Variants in ZNF804B observed in about 807,000 individuals in gnomAD.
The protein encoded by ZNF804B is zinc finger 804B.
Under a neutral mutation model 101.4 loss-of-function variants are expected in ZNF804B, and 80 were observed. That is an observed-to-expected ratio of 0.79 (90% CI 0.66 to 0.95). The LOEUF is 0.95. Among genes scored for constraint, ZNF804B ranks in the 40% least tolerant of loss-of-function variants. ZNF804B has a pLI of 0.00. For missense variants in ZNF804B, 1,673 were observed against 1,561.9 expected (o/e 1.07, Z -1.20); for synonymous variants, 622 against 558.8 (o/e 1.11, Z -1.59).
Position 89,338,293 on chromosome 7 carries a change from C to G in ZNF804B, c.*1261C>G, listed in dbSNP as rs1196646614. On this transcript the variant is annotated 3_prime_UTR_variant, in exon 4 of 4. Coordinates refer to ENST00000333190, the MANE Select transcript of ZNF804B (RefSeq NM_181646.5). ...GAAGATTAGAGGATGTCTTCTTCAG[C>G]CTTGGCTGCAAAAGGAAGATAGCTA... 6.6e-6 allele frequency among the ~76,000 whole-genome samples: 1 copy of G among 151,996 alleles called. No individual in the cohort carries two copies. Among genetic ancestry groups the G allele is most frequent in the Non-Finnish European group, 1.5e-5 (1 of 67,934 alleles).
At chr7:88,959,840 C>T (rs1026795065) in intron 1 of ZNF804B, among the ~76,000 whole-genome samples, 3 of 151,460 alleles carry the variant, frequency 2.0e-5, no homozygotes, top group African/African-American at 7.3e-5. Flanking sequence ...ATTCATCCAT[C>T]CCATGCCAGG....
chr7:88,925,346 C>T (rs1792780246), intron 1 of ZNF804B, among the ~76,000 whole-genome samples: 1 of 152,090 alleles, frequency 6.6e-6, no homozygotes. Context: ...TGTCAAAGAC[C>T]TAACCCCAGT....
In ZNF804B at chr7:89,220,054, C is replaced by CAT. The variant is rs757889776; in HGVS notation, c.249+1765_249+1766dup. Among the ~76,000 whole-genome samples the CAT allele has an allele frequency of 3.2e-4, 35 of 110,240 alleles. 11 individuals carry two copies. The highest frequency in any genetic ancestry group is 2.3e-4 in the Non-Finnish European group (12 of 51,702). The allele number at this position is 110,240 out of a possible 152,430, so 72.3% of individuals were successfully genotyped here. ...ATACGCACATATATGTGCATATATA[C>CAT]ATATATACGCACATATATGTGTATA... On this transcript the variant is annotated intron_variant, in intron 2 of 3. Coordinates refer to ENST00000333190, the MANE Select transcript of ZNF804B (RefSeq NM_181646.5).
chr7:89,019,810 A>G (rs1434940183), intron 1 of ZNF804B, among the ~76,000 whole-genome samples: 1 of 151,850 alleles, frequency 6.6e-6, no homozygotes, highest in African/African-American at 2.4e-5. Context: ...ATTTGTGTGA[A>G]ATATGTTTTT....
chr7:88,817,672 G>A (rs1268643343), intron 1 of ZNF804B, among the ~76,000 whole-genome samples: 1 of 152,086 alleles, frequency 6.6e-6, no homozygotes, highest in East Asian at 1.9e-4. Flanking sequence ...ATCTTCCATT[G>A]GTGTGATATA....
chr7:88,938,195 T>C (rs1194967425), intron 1 of ZNF804B, among the ~76,000 whole-genome samples: 8 of 152,018 alleles, frequency 5.3e-5, no homozygotes, highest in Non-Finnish European at 1.0e-4. Context: ...TCTAAAGATC[T>C]AGGATTGATA....
chr7:89,156,234 C>T (rs1790972989), intron 1 of ZNF804B, among the ~76,000 whole-genome samples: 1 of 151,960 alleles, frequency 6.6e-6, no homozygotes, highest in Admixed American at 6.6e-5. Flanking sequence ...CTGCCTCAGC[C>T]TCCCGAGTAG....
At chr7:89,139,998 A>T (rs1416463419) in intron 1 of ZNF804B, among the ~76,000 whole-genome samples, 1 of 152,092 alleles carries the variant, frequency 6.6e-6, no homozygotes, top group Admixed American at 6.6e-5. Context: ...TTACTTCAAT[A>T]ATAAGACTTG....
intron 1 of ZNF804B, among the ~76,000 whole-genome samples, chr7:88,837,501 C>T (rs1426254774): frequency 6.6e-6 from 1 of 151,700 alleles, no homozygotes; most frequent in Non-Finnish European, 1.5e-5. Flanking sequence ...TTTCAGTGAT[C>T]AATGGTAGAA....
At chr7:89,010,797 G>A (rs1267179612) in intron 1 of ZNF804B, among the ~76,000 whole-genome samples, 2 of 152,140 alleles carry the variant, frequency 1.3e-5, no homozygotes, top group African/African-American at 4.8e-5. Context: ...TAAGGCTGTG[G>A]AAAAGTCAGA....
intron 1 of ZNF804B, among the ~76,000 whole-genome samples, chr7:89,103,046 C>CTGTTTTTTTTTTTTTTTGTT (rs1790080689): frequency 6.3e-5 from 2 of 31,564 alleles, no homozygotes; most frequent in African/African-American, 2.6e-4. Context: ...ACCTATGTGT[C>CTGTTTTTTTTTTTTTTTGTT]TGTTTTTTTT....
intron 1 of ZNF804B, among the ~76,000 whole-genome samples, chr7:89,139,699 A>C (rs1790688986): frequency 6.6e-6 from 1 of 152,104 alleles, no homozygotes; most frequent in African/African-American, 2.4e-5. Context: ...GCAGCAATTC[A>C]GTCATCTCTT....
At chr7:89,006,419 A>G (rs1283274450) in intron 1 of ZNF804B, among the ~76,000 whole-genome samples, 1 of 152,114 alleles carries the variant, frequency 6.6e-6, no homozygotes, top group Non-Finnish European at 1.5e-5. Flanking sequence ...ATTCAGAAGA[A>G]TGTGCAGTGA....
intron 1 of ZNF804B, among the ~76,000 whole-genome samples, chr7:89,138,904 T>C (rs1173804940): frequency 6.6e-6 from 1 of 152,144 alleles, no homozygotes; most frequent in Non-Finnish European, 1.5e-5. Context: ...CATGGAACTA[T>C]AAGTTTAATT....
intron 1 of ZNF804B, among the ~76,000 whole-genome samples, chr7:89,011,722 A>G (rs939719158): frequency 1.3e-5 from 2 of 151,754 alleles, no homozygotes; most frequent in Admixed American, 6.6e-5. Context: ...GTGGGCTCCT[A>G]TGGCCTTGGG....
chr7:89,282,530 T>C (rs1406565474), intron 2 of ZNF804B, among the ~76,000 whole-genome samples: 1 of 152,140 alleles, frequency 6.6e-6, no homozygotes, highest in Admixed American at 6.5e-5. Context: ...ATAATAAATG[T>C]GATGGGCTGA....
chr7:89,026,041 CTTTTAA>C (rs1473870807), intron 1 of ZNF804B, among the ~76,000 whole-genome samples: 3 of 152,072 alleles, frequency 2.0e-5, no homozygotes, highest in Non-Finnish European at 4.4e-5. Flanking sequence ...ACATGGTTTA[CTTTTAA>C]TTACATCAGC....
chr7:88,886,123 A>G (rs1562822775), intron 1 of ZNF804B, among the ~76,000 whole-genome samples: 1 of 152,118 alleles, frequency 6.6e-6, no homozygotes, highest in Non-Finnish European at 1.5e-5. Context: ...ACAATGGACC[A>G]TATTTATAGG....
intron 2 of ZNF804B, among the ~76,000 whole-genome samples, chr7:89,255,785 T>A (rs974759757): frequency 1.3e-5 from 2 of 152,048 alleles, no homozygotes; most frequent in Non-Finnish European, 2.9e-5. Flanking sequence ...TAAGTAATAA[T>A]CTGTAAAAAA....
Sources: allele counts gnomAD v4.1 joint callset (sites outside exome capture counted in the v4.1 genomes callset), GRCh38; gene constraint gnomAD v4.1.1; transcripts MANE v1.5; gene names NCBI Gene and HGNC (gene_info 2026-07-23, HGNC 2026-07-21).